PCDHA6: variants seen among roughly 807,000 people sequenced by gnomAD.
The protein encoded by PCDHA6 is protocadherin alpha 6, also known as protocadherin alpha-6.
PCDHA6 carries 55 observed loss-of-function variants against 60.3 expected under a neutral mutation model. The ratio of observed to expected loss-of-function variants is 0.91; its 90% CI spans 0.73 to 1.14. The LOEUF is 1.14. Among genes scored for constraint, PCDHA6 ranks in the 50% most tolerant of loss-of-function variants. The probability of loss-of-function intolerance (pLI) is 0.00; values close to 1 mark genes in which losing one functional copy is unlikely to be tolerated. For synonymous variants in PCDHA6, 652 were observed against 557.9 expected, an observed-to-expected ratio of 1.17 and a Z score of -2.38; for missense variants, 1,327 against 1,256.5, an observed-to-expected ratio of 1.06 and a Z score of -0.85.
chr5:140,919,915 A>G (rs1306747919), intron 1 of PCDHA6, among the ~76,000 whole-genome samples: 1 of 152,202 alleles, frequency 6.6e-6, no homozygotes, highest in Non-Finnish European at 1.5e-5. Context: ...AAATTACCCT[A>G]AATTTTCAGG....
intron 1 of PCDHA6, chr5:140,877,101 G>T (rs375706181): frequency 6.8e-6 from 11 of 1,613,354 alleles, no homozygotes; most frequent in Non-Finnish European, 9.3e-6. Flanking sequence ...CCGGCGTGCC[G>T]CCTCTGGGCA....
In PCDHA6 at chr5:140,892,541, T is replaced by G. The variant is rs192378744; in HGVS notation, c.2394+62056T>G. Among the ~76,000 whole-genome samples, 3 of 152,250 alleles carry G rather than the reference T, an allele frequency of 2.0e-5. 1 individual carries two copies. The highest frequency in any genetic ancestry group is 7.2e-5 in the African/African-American group (3 of 41,464). ...CTGGTAGACTCAGGATTCTGACTTT[T>G]GTTTCTCTAGTCCTTGGAGACTGTC... On this transcript the variant is annotated intron_variant, in intron 1 of 3. Transcript: ENST00000529310.
chr5:140,871,553 GT>G lies in PCDHA6; in HGVS notation c.2394+41076del, dbSNP rs555355563. 1.1e-3 allele frequency: 1,577 copies of G among 1,491,202 alleles called. 1 individual carries two copies. The highest frequency in any genetic ancestry group is 2.7e-3 in the Middle Eastern group (15 of 5,580). 92.4% of individuals were successfully genotyped at this position (1,491,202 alleles called of 1,614,324 possible). On this transcript the variant is annotated intron_variant, in intron 1 of 3. Transcript: ENST00000529310. ...TGTATGTGAAATTATTTAAAATCCA[GT>G]TTTTTTTCACGGATTTTTTAAGGGA...
intron 1 of PCDHA6, among the ~76,000 whole-genome samples, chr5:140,964,434 G>A (rs1332567720): frequency 6.6e-6 from 1 of 152,104 alleles, no homozygotes; most frequent in Non-Finnish European, 1.5e-5. Context: ...AAATTACCAA[G>A]CCTCTGCCAC....
intron 1 of PCDHA6, chr5:140,870,247 G>C (rs2051798085): frequency 5.6e-6 from 9 of 1,614,024 alleles, no homozygotes; most frequent in Admixed American, 1.7e-5. Flanking sequence ...AGGTGTCAAC[G>C]GACAGGTGAC....
chr5:140,843,105 G>A (rs2150352626), intron 1 of PCDHA6: 1 of 1,595,772 alleles, frequency 6.3e-7, no homozygotes, highest in South Asian at 1.1e-5. Flanking sequence ...GCGAAGGTGC[G>A]CGCAGTGGAC....
At chr5:140,979,710 A>G (rs1178718053) in intron 2 of PCDHA6, among the ~76,000 whole-genome samples, 1 of 152,268 alleles carries the variant, frequency 6.6e-6, no homozygotes, top group Non-Finnish European at 1.5e-5. Flanking sequence ...GAGGTGATCC[A>G]GTATCCATGC....
intron 3 of PCDHA6, among the ~76,000 whole-genome samples, chr5:140,992,876 A>G (rs1370116402): frequency 6.6e-6 from 1 of 152,178 alleles, no homozygotes; most frequent in Admixed American, 6.5e-5. Flanking sequence ...CCTCCTTGAT[A>G]TTCTAAACAA....
intron 1 of PCDHA6, chr5:140,857,507 G>A (rs782043318): frequency 1.3e-6 from 2 of 1,598,186 alleles, no homozygotes; most frequent in South Asian, 1.1e-5. Context: ...GCAGGAGAAC[G>A]CCCTGGTGTC....
intron 3 of PCDHA6, among the ~76,000 whole-genome samples, chr5:141,000,477 G>C (rs1191359491): frequency 1.5e-5 from 2 of 132,058 alleles, no homozygotes; most frequent in African/African-American, 5.8e-5. Context: ...GCCCAAGCTG[G>C]AGTGCAATGG....
chr5:140,927,481 G>T, intron 1 of PCDHA6: 1 of 1,614,072 alleles, frequency 6.2e-7, no homozygotes, highest in Non-Finnish European at 8.5e-7. Context: ...CGAACAGCGC[G>T]CCACCCACCT....
chr5:140,915,665 G>A (rs1208319882), intron 1 of PCDHA6, among the ~76,000 whole-genome samples: 1 of 149,092 alleles, frequency 6.7e-6, no homozygotes, highest in African/African-American at 2.5e-5. Context: ...TCAAGGTGCT[G>A]GGCCATCTTG....
chr5:140,843,040 T>C lies in PCDHA6; in HGVS notation c.2394+12555T>C, dbSNP rs2150350832. 22 of 1,595,034 alleles carry C rather than the reference T, an allele frequency of 1.4e-5. 3 individuals are homozygous for C. The highest frequency in any genetic ancestry group is 1.2e-4 in the Admixed American group (7 of 59,274). On this transcript the variant is annotated intron_variant, in intron 1 of 3. Coordinates refer to ENST00000529310, the MANE Select transcript of PCDHA6 (RefSeq NM_018909.4). ...TGCTGGAGCCTCGGGTGGGTGGCACTGGTGGCGCAGCGAGCAAGCTGGTGC... is the reference window on the plus strand; with the variant it reads ...TGCTGGAGCCTCGGGTGGGTGGCACCGGTGGCGCAGCGAGCAAGCTGGTGC...
intron 1 of PCDHA6, among the ~76,000 whole-genome samples, chr5:140,949,264 G>A (rs139292588): frequency 4.5e-4 from 69 of 151,784 alleles, no homozygotes; most frequent in Admixed American, 2.4e-3. Flanking sequence ...AACATATCAC[G>A]TGCACTTGAA....
In PCDHA6 at chr5:140,828,028, A is replaced by G. The variant is rs2150150265; in HGVS notation, c.-64A>G. On this transcript the variant is annotated 5_prime_UTR_variant, in exon 1 of 4. Coordinates refer to ENST00000529310, the MANE Select transcript of PCDHA6 (RefSeq NM_018909.4). Reference sequence around the variant, plus strand: ...AAGAAATGGATTAATAAATTCCGGAACATACAGTATTTTATCTTTATGCGG... The same window carrying G: ...AAGAAATGGATTAATAAATTCCGGAGCATACAGTATTTTATCTTTATGCGG... 1.0e-4 allele frequency: 158 copies of G among 1,520,712 alleles called. No individual in the cohort carries two copies. The highest frequency in any genetic ancestry group is 4.4e-6 in the Non-Finnish European group (5 of 1,134,330). 94.2% of individuals were successfully genotyped at this position (1,520,712 alleles called of 1,614,324 possible).
chr5:140,841,820 GT>G (rs2150323567), intron 1 of PCDHA6: 1 of 1,613,910 alleles, frequency 6.2e-7, no homozygotes, highest in Non-Finnish European at 8.5e-7. Context: ...AGCTAACTCC[GT>G]GTTAACCTAC....
At chr5:140,876,947 A>G in intron 1 of PCDHA6, 5 of 1,613,496 alleles carry the variant, frequency 3.1e-6, no homozygotes, top group South Asian at 1.1e-5. Flanking sequence ...CTGGTGTCCT[A>G]CTCGCTGGTG....
At chr5:140,858,788 T>C (rs528259521) in intron 1 of PCDHA6, 5 of 390,400 alleles carry the variant, frequency 1.3e-5, no homozygotes, top group Middle Eastern at 1.4e-3. Flanking sequence ...TCATGTTATT[T>C]CATTTCCAAT....
intron 1 of PCDHA6, among the ~76,000 whole-genome samples, chr5:140,893,560 T>C (rs964266537): frequency 4.6e-5 from 7 of 152,232 alleles, no homozygotes; most frequent in Admixed American, 4.6e-4. Flanking sequence ...AGTTGTAGTG[T>C]ACTTCCTCAG....
Sources: gnomAD v4.1 joint callset for allele counts (sites outside exome capture counted in the v4.1 genomes callset) on GRCh38, gnomAD v4.1.1 for gene constraint, MANE v1.5 for transcripts, NCBI Gene and HGNC (gene_info 2026-07-23, HGNC 2026-07-21) for gene names.